GPC6: variants seen among roughly 807,000 people sequenced by gnomAD.
The protein encoded by GPC6 is glypican-6.
In GPC6, 14 loss-of-function variants were observed where a neutral mutation model predicts 55.2. The observed-to-expected ratio is 0.25, with a 90% CI of 0.17 to 0.40. GPC6 has a LOEUF of 0.40. GPC6 is among the 10% of genes least tolerant of loss of function. The pLI is 1.00. For synonymous variants in GPC6, 278 were observed against 259.6 expected, an observed-to-expected ratio of 1.07 and a Z score of -0.68; for missense variants, 641 against 708.5, an observed-to-expected ratio of 0.90 and a Z score of 1.08.
chr13:94,355,365 C>T (rs1368719081), intron 6 of GPC6, among the ~76,000 whole-genome samples: 5 of 152,148 alleles, frequency 3.3e-5, no homozygotes. Flanking sequence ...CAGGGTTGCA[C>T]CATGTTCCAC....
rs1388071759 is a variant in GPC6 at position 93,789,501 on chromosome 13, C to CTA, written c.320-40652_320-40651insAT. Among the ~76,000 whole-genome samples, 6 of 78,968 alleles carry CTA rather than the reference C, an allele frequency of 7.6e-5. No individual in the cohort carries two copies. The East Asian group carries it at 1.0e-3, about 13-fold the overall frequency. 51.8% of individuals were successfully genotyped at this position (78,968 alleles called of 152,430 possible). A position where few individuals can be genotyped will look rare whatever the true frequency, so the allele number is the denominator to read the frequency against. ...GAGTGAACTCTCTCTCTCTCTCTCTCTCTCTCTCTATATATATATATATAT... is the reference window on the plus strand; with the variant it reads ...GAGTGAACTCTCTCTCTCTCTCTCTCTATCTCTCTCTATATATATATATATAT... On this transcript the variant is annotated intron_variant, in intron 2 of 8. Coordinates refer to ENST00000377047, the MANE Select transcript of GPC6 (RefSeq NM_005708.5).
rs141371184 is a variant in GPC6 at position 93,488,666 on chromosome 13, C to G, written c.161-56597C>G. On this transcript the variant is annotated intron_variant, in intron 1 of 8. Transcript: ENST00000377047. Reference sequence around the variant, plus strand: ...GACTTTTTAATGATCGCCATTCTAACTGGTGTGAGATGGTATCTCAGTGTG... The same window carrying G: ...GACTTTTTAATGATCGCCATTCTAAGTGGTGTGAGATGGTATCTCAGTGTG... 9.0e-3 allele frequency among the ~76,000 whole-genome samples: 1,375 copies of G among 152,314 alleles called. 12 individuals are homozygous for G. The highest frequency in any genetic ancestry group is 0.036 in the South Asian group (175 of 4,824).
At chr13:94,078,855 A>T (rs970886221) in intron 4 of GPC6, among the ~76,000 whole-genome samples, 1 of 151,984 alleles carries the variant, frequency 6.6e-6, no homozygotes, top group African/African-American at 2.4e-5. Context: ...AAACCCTTTT[A>T]AAAAATTGGA....
At chr13:93,868,589 T>G (rs1889039768) in intron 3 of GPC6, among the ~76,000 whole-genome samples, 1 of 151,774 alleles carries the variant, frequency 6.6e-6, no homozygotes, top group Non-Finnish European at 1.5e-5. Context: ...ATACAGGATT[T>G]ATGTAAAGGT....
intron 4 of GPC6, among the ~76,000 whole-genome samples, chr13:94,104,554 G>T (rs1008380085): frequency 4.6e-5 from 7 of 152,144 alleles, no homozygotes; most frequent in Admixed American, 4.6e-4. Context: ...TGACGTGATT[G>T]TATATCTAGA....
At chr13:93,759,105 A>T (rs207474267) in intron 2 of GPC6, among the ~76,000 whole-genome samples, 1 of 152,146 alleles carries the variant, frequency 6.6e-6, no homozygotes, top group African/African-American at 2.4e-5. Flanking sequence ...TCTGGCAGAT[A>T]AGTCTGTCTT....
intron 1 of GPC6, among the ~76,000 whole-genome samples, chr13:93,331,129 G>T (rs1318866176): frequency 6.6e-6 from 1 of 152,024 alleles, no homozygotes; most frequent in East Asian, 1.9e-4. Context: ...TATTCTCTAG[G>T]ATGTTGTGTT....
At chr13:93,778,983 ATTAT>A (rs2138904003) in intron 2 of GPC6, among the ~76,000 whole-genome samples, 1 of 152,286 alleles carries the variant, frequency 6.6e-6, no homozygotes, top group East Asian at 1.9e-4. Context: ...ACATTTCTGG[ATTAT>A]TTATTTGTTT....
intron 3 of GPC6, among the ~76,000 whole-genome samples, chr13:93,839,106 G>C (rs937761186): frequency 3.3e-5 from 5 of 152,104 alleles, no homozygotes; most frequent in African/African-American, 7.2e-5. Flanking sequence ...TAGTTAAGTG[G>C]AAAGGGCAGA....
At chr13:93,593,935 G>A (rs986205117) in intron 2 of GPC6, among the ~76,000 whole-genome samples, 2 of 151,772 alleles carry the variant, frequency 1.3e-5, no homozygotes, top group African/African-American at 4.8e-5. Context: ...AAAAAAGCTG[G>A]GTGCAGAAAA....
rs543468900 is a variant in GPC6, at chr13:94,262,869, A to T, written c.878-23480A>T. Among the ~76,000 whole-genome samples the T allele has an allele frequency of 1.0e-3, 158 of 152,274 alleles. 2 individuals are homozygous for T. Among genetic ancestry groups the T allele is most frequent in the African/African-American group, 3.2e-3 (135 of 41,550 alleles). The stretch of plus-strand genomic sequence containing the variant: ...TGAATTATCAAATTCTGTTTATGTA[A>T]AACAGAGAGCAAAAGACAAATAATT... On this transcript the variant is annotated intron_variant, in intron 4 of 8. Transcript: ENST00000377047.
At chr13:94,013,322 G>A (rs941851542) in intron 3 of GPC6, among the ~76,000 whole-genome samples, 13 of 151,784 alleles carry the variant, frequency 8.6e-5, no homozygotes, top group South Asian at 6.2e-4. Flanking sequence ...CTCCTATGGC[G>A]GTTTTATTTA....
intron 4 of GPC6, chr13:94,187,238 C>T (rs1376766516): frequency 6.6e-6 from 1 of 152,092 alleles, no homozygotes; most frequent in African/African-American, 2.4e-5. Context: ...AACTGAGGCT[C>T]GTATGTTTTA....
rs946112713 is a variant in GPC6, at chr13:94,292,108, A to G, written c.1008+5629A>G. Among the ~76,000 whole-genome samples, 5 of 152,318 alleles carry G rather than the reference A, an allele frequency of 3.3e-5. No homozygotes were observed. The South Asian group carries it at 1.0e-3, about 32-fold the overall frequency. On this transcript the variant is annotated intron_variant, in intron 5 of 8. Transcript: ENST00000377047. ...TGGTTTCTATTGTGTAATATTTATA[A>G]TAGTGCTTGTGATGAGATAGAGCTC... is the stretch of plus-strand genomic sequence containing the variant.
At chr13:93,762,230 G>A (rs1329071755) in intron 2 of GPC6, among the ~76,000 whole-genome samples, 3 of 152,088 alleles carry the variant, frequency 2.0e-5, no homozygotes, top group Non-Finnish European at 4.4e-5. Flanking sequence ...TTATCATGGT[G>A]GCCAAACAAT....
intron 2 of GPC6, among the ~76,000 whole-genome samples, chr13:93,691,534 A>G (rs995116764): frequency 6.6e-6 from 1 of 151,594 alleles, no homozygotes; most frequent in Non-Finnish European, 1.5e-5. Flanking sequence ...CTAATCTGAT[A>G]AAAGAGTTTT....
intron 2 of GPC6, among the ~76,000 whole-genome samples, chr13:93,669,859 T>C (rs1187583586): frequency 6.6e-6 from 1 of 151,988 alleles, no homozygotes; most frequent in Non-Finnish European, 1.5e-5. Flanking sequence ...TATTGATTAG[T>C]TTATTTGGAG....
chr13:94,108,390 G>C (rs1013605566), intron 4 of GPC6, among the ~76,000 whole-genome samples: 36 of 152,064 alleles, frequency 2.4e-4, no homozygotes, highest in Non-Finnish European at 4.0e-4. Flanking sequence ...AAAAAGGGTG[G>C]GAAGGGGACG....
At chr13:94,030,918 T>C (rs1257009148) in intron 4 of GPC6, among the ~76,000 whole-genome samples, 1 of 152,222 alleles carries the variant, frequency 6.6e-6, no homozygotes, top group Non-Finnish European at 1.5e-5. Flanking sequence ...AGTCAGTGTC[T>C]GGATCATGTC....
Sources: gnomAD v4.1 joint callset for allele counts (sites outside exome capture counted in the v4.1 genomes callset) on GRCh38, gnomAD v4.1.1 for gene constraint, MANE v1.5 for transcripts, NCBI Gene and HGNC (gene_info 2026-07-23, HGNC 2026-07-21) for gene names.